PHF19: variants seen among roughly 807,000 people sequenced by gnomAD.
PHF19 encodes the protein PHD finger protein 19, also known as polycomb like 3.
In PHF19, 21 loss-of-function variants were observed where a neutral mutation model predicts 79.8. The observed-to-expected ratio is 0.26, with a 90% CI of 0.19 to 0.38. The LOEUF (loss-of-function observed/expected upper bound fraction) is 0.38, where lower values mean the gene tolerates loss of function less well. PHF19 is among the 10% of genes least tolerant of loss of function. The pLI is 1.00. For synonymous variants in PHF19, 273 were observed against 296.3 expected, an observed-to-expected ratio of 0.92 and a Z score of 0.81; for missense variants, 445 against 744.2, an observed-to-expected ratio of 0.60 and a Z score of 4.68.
At chr9:120,886,632 G>A (rs1239376054) in intron 1 of PHF19, among the ~76,000 whole-genome samples, 2 of 152,208 alleles carry the variant, frequency 1.3e-5, no homozygotes, top group African/African-American at 4.8e-5. Flanking sequence ...ATGACCCAAT[G>A]TCAGCTGGAG....
intron 3 of PHF19, among the ~76,000 whole-genome samples, chr9:120,873,312 A>T (rs1445753327): frequency 6.6e-6 from 1 of 152,214 alleles, no homozygotes; most frequent in Admixed American, 6.5e-5. Context: ...TGTTGTGTGT[A>T]TGGGAAGGGA....
chr9:120,902,124 C>G, the PHF19 span, among the ~76,000 whole-genome samples: 1 of 152,214 alleles, frequency 6.6e-6, no homozygotes, highest in Non-Finnish European at 1.5e-5. Flanking sequence ...AAAAGCCCAT[C>G]AGAAACCTGA....
chr9:120,886,530 C>G (rs765243763), intron 1 of PHF19, among the ~76,000 whole-genome samples: 1 of 152,204 alleles, frequency 6.6e-6, no homozygotes, highest in Non-Finnish European at 1.5e-5. Flanking sequence ...AGGCTCAAAC[C>G]ACGAGTCATT....
At chr9:120,879,611 TAAG>T (rs1013415079), upstream of PHF19, among the ~76,000 whole-genome samples, 4 of 152,220 alleles carry the variant, frequency 2.6e-5, no homozygotes, top group South Asian at 2.1e-4. Context: ...ATATGCAAAA[TAAG>T]AAGTTAAAAC....
upstream of PHF19, among the ~76,000 whole-genome samples, chr9:120,897,707 G>A (rs2046413488): frequency 6.6e-6 from 1 of 152,048 alleles, no homozygotes; most frequent in Admixed American, 6.5e-5. Flanking sequence ...AGCCGGGCAT[G>A]GTGGCTCACA....
chr9:120,872,896 A>AC (rs1005533874), intron 3 of PHF19, among the ~76,000 whole-genome samples: 2 of 152,082 alleles, frequency 1.3e-5, no homozygotes, highest in African/African-American at 4.8e-5. Flanking sequence ...TGCTGGGATT[A>AC]CAGGTATGAG....
At position 120,869,779 on chromosome 9, in the gene PHF19, G is replaced by C. The variant is rs756199526; in HGVS notation, c.465+66C>G. 3 of 1,607,476 alleles carry C rather than the reference G, an allele frequency of 1.9e-6. No individual in the cohort carries two copies. Among genetic ancestry groups the C allele is most frequent in the Non-Finnish European group, 2.5e-6 (3 of 1,177,414 alleles). ...GCTTGGAGCTCAGACTCTGTGATGG[G>C]AGTCTCTGGTCTGCCCCACTGGAGG... On this transcript the variant is annotated intron_variant, in intron 5 of 14. Transcript: ENST00000373896. The surrounding 1 kb of genome is among the most constrained non-coding windows in gnomAD (Gnocchi z 5.8).
At chr9:120,863,932 C>G (rs957164515) in intron 10 of PHF19, 117 bp downstream of exon 10, 4 of 852,792 alleles carry the variant, frequency 4.7e-6, no homozygotes, top group African/African-American at 1.7e-5. Flanking sequence ...GGAAATGATT[C>G]AGAGAGAAGG....
Position 120,874,923 on chromosome 9 carries a change from C to T in PHF19, c.-15-167G>A, listed in dbSNP as rs2131561988. ...CTATGAGGGAGACATTATTATTATT[C>T]ACATCTTACAGATAGGGAAACAGGT... On this transcript the variant is annotated intron_variant, in intron 1 of 14. Coordinates refer to ENST00000373896, the MANE Select transcript of PHF19 (RefSeq NM_015651.3). The surrounding 1 kb of genome is among the most constrained non-coding windows in gnomAD (Gnocchi z 4.5). 6.6e-6 allele frequency among the ~76,000 whole-genome samples: 1 copy of T among 152,284 alleles called. No individual in the cohort carries two copies. The highest frequency in any genetic ancestry group is 1.9e-4 in the East Asian group (1 of 5,184).
intron 9 of PHF19, among the ~76,000 whole-genome samples, chr9:120,865,138 C>T (rs915071969): frequency 2.0e-5 from 3 of 152,110 alleles, no homozygotes; most frequent in African/African-American, 7.2e-5. Flanking sequence ...TTGGGGCAGT[C>T]CATAGAGAAG....
Position 120,869,449 on chromosome 9 carries a change from T to C in PHF19, c.466-119A>G. On this transcript the variant is annotated intron_variant, in intron 5 of 14. Transcript: ENST00000373896. The surrounding 1 kb of genome is among the most constrained non-coding windows in gnomAD (Gnocchi z 5.8). ...CTTGGGGGACCCGCAGATATTCCAA[T>C]ATAGTCAGAAAAGCAAGGAGCTTTT... is the stretch of plus-strand genomic sequence containing the variant. 7.5e-7 allele frequency: 1 copy of C among 1,340,382 alleles called. No individual in the cohort carries two copies. The highest frequency in any genetic ancestry group is 2.5e-5 in the East Asian group (1 of 40,124). 83.0% of individuals were successfully genotyped at this position (1,340,382 alleles called of 1,614,324 possible).
At chr9:120,867,234 A>G (rs1006865302) in intron 6 of PHF19, among the ~76,000 whole-genome samples, 1 of 152,220 alleles carries the variant, frequency 6.6e-6, no homozygotes, top group Non-Finnish European at 1.5e-5. Flanking sequence ...AGGCAAGTGG[A>G]GGATGGTGAT....
the PHF19 span, chr9:120,903,199 C>T: frequency 7.2e-5 from 11 of 152,354 alleles, no homozygotes; most frequent in East Asian, 3.9e-4. Flanking sequence ...CGCTGTCAGC[C>T]GTGGGAACAA....
intron 1 of PHF19, among the ~76,000 whole-genome samples, chr9:120,876,718 G>T (rs2046071006): frequency 6.6e-6 from 1 of 152,208 alleles, no homozygotes; most frequent in African/African-American, 2.4e-5. Flanking sequence ...TTCGGGTTCA[G>T]CGCTCCTCTC....
intron 1 of PHF19, among the ~76,000 whole-genome samples, chr9:120,887,605 C>T (rs1041189153): frequency 6.7e-6 from 1 of 150,044 alleles, no homozygotes; most frequent in Non-Finnish European, 1.5e-5. Context: ...TTCTTAAATA[C>T]ATCTGTTTAT....
chr9:120,862,770 G>A lies in PHF19; in HGVS notation c.969-21C>T. Reference sequence around the variant, plus strand: ...GGAACCTGGGGGTGGGCAGTGGGAGGAAGAAGCTCTGGAGTCTGTCAGTCC... The same window carrying A: ...GGAACCTGGGGGTGGGCAGTGGGAGAAAGAAGCTCTGGAGTCTGTCAGTCC... On this transcript the variant is annotated intron_variant, in intron 10 of 14. Transcript: ENST00000373896. This position sits in a 1 kb window ranked among gnomAD's most constrained non-coding sequence, Gnocchi z 4.6. 1.2e-6 allele frequency: 2 copies of A among 1,613,194 alleles called. No homozygotes were observed. Among genetic ancestry groups the A allele is most frequent in the Non-Finnish European group, 8.5e-7 (1 of 1,179,354 alleles).
chr9:120,878,368 G>C (rs1370115627), upstream of PHF19, among the ~76,000 whole-genome samples: 1 of 152,142 alleles, frequency 6.6e-6, no homozygotes, highest in East Asian at 1.9e-4. Flanking sequence ...CTCACTCTTG[G>C]GGGAAGGGAG....
rs2045481581 is a variant in PHF19, at chr9:120,860,259, C to A, written c.1305-74G>T. 8 of 767,072 alleles carry A rather than the reference C, an allele frequency of 1.0e-5. No individual in the cohort carries two copies. Among genetic ancestry groups the A allele is most frequent in the Non-Finnish European group, 1.8e-5 (8 of 436,008 alleles). The allele number at this position is 767,072 out of a possible 1,614,324, so 47.5% of individuals were successfully genotyped here. On this transcript the variant is annotated intron_variant, in intron 13 of 14. Coordinates refer to ENST00000373896, the MANE Select transcript of PHF19 (RefSeq NM_015651.3). The surrounding 1 kb of genome is among the most constrained non-coding windows in gnomAD (Gnocchi z 4.1). ...TCCTGCCAACCTGGCCCGCAGGTTC[C>A]CCTAACATGCATCCTTCATCCCAGT...
Position 120,870,823 on chromosome 9 carries a change from A to T in PHF19, c.269-285T>A, listed in dbSNP as rs2045874467. Among the ~76,000 whole-genome samples the T allele has an allele frequency of 6.6e-6, 1 of 152,226 alleles. No individual in the cohort carries two copies. The highest frequency in any genetic ancestry group is 1.5e-5 in the Non-Finnish European group (1 of 68,044). On this transcript the variant is annotated intron_variant, in intron 3 of 14. Transcript: ENST00000373896. This position sits in a 1 kb window ranked among gnomAD's most constrained non-coding sequence, Gnocchi z 4.4. ...ATCAAACCCTTTGTTCTTTTGACACATCATGCTGCCTCTCCCGCCTTATTT... is the reference window on the plus strand; with the variant it reads ...ATCAAACCCTTTGTTCTTTTGACACTTCATGCTGCCTCTCCCGCCTTATTT...
Sources: allele counts gnomAD v4.1 joint callset (sites outside exome capture counted in the v4.1 genomes callset), GRCh38; gene constraint gnomAD v4.1.1; non-coding constraint Gnocchi (gnomAD v3.1); transcripts MANE v1.5; gene names NCBI Gene and HGNC (gene_info 2026-07-23, HGNC 2026-07-21).